SIK3: variants seen among roughly 807,000 people sequenced by gnomAD.
SIK3 encodes the protein serine/threonine-protein kinase SIK3.
A neutral mutation model predicts 144.2 loss-of-function variants in SIK3; 28 were observed. The observed-to-expected ratio is 0.19, with a 90% CI of 0.14 to 0.27. The LOEUF (loss-of-function observed/expected upper bound fraction) is 0.27. Ranked by LOEUF, SIK3 falls within the 10% of genes least tolerant of loss-of-function variation. The pLI, the probability that SIK3 is intolerant of heterozygous loss-of-function variation, is 1.00. For missense variants in SIK3, 1,319 were observed against 1,776.0 expected (o/e 0.74, Z 4.62); for synonymous variants, 686 against 676.3 (o/e 1.01, Z -0.22).
At chr11:117,043,838 T>C (rs959887337) in intron 1 of SIK3, among the ~76,000 whole-genome samples, 1 of 152,230 alleles carries the variant, frequency 6.6e-6, no homozygotes, top group Non-Finnish European at 1.5e-5. Context: ...CAAAACACAG[T>C]ATAAACGATG....
rs1243760489 is a variant in SIK3, at chr11:116,938,137, G to A, written c.455-10757C>T. Among the ~76,000 whole-genome samples, 8 of 148,238 alleles carry A rather than the reference G, an allele frequency of 5.4e-5. No individual in the cohort carries two copies. The East Asian group carries it at 1.2e-3, about 23-fold the overall frequency. On this transcript the variant is annotated intron_variant, in intron 3 of 24. Coordinates refer to ENST00000445177, the MANE Select transcript of SIK3 (RefSeq NM_001366686.3). ...GGAGAATCACTTGAACCTGGGAGGC[G>A]GAGGCTGCAGTGAGCTGAGTTCACA...
In SIK3 at chr11:117,010,017, GT is replaced by G. The variant is rs539436889; in HGVS notation, c.274-52954del. Among the ~76,000 whole-genome samples, 344 of 152,274 alleles carry G rather than the reference GT, an allele frequency of 2.3e-3. 4 individuals carry two copies. The highest frequency in any genetic ancestry group is 7.7e-3 in the African/African-American group (321 of 41,538). On this transcript the variant is annotated intron_variant, in intron 1 of 24. Coordinates refer to ENST00000445177, the MANE Select transcript of SIK3 (RefSeq NM_001366686.3). The stretch of plus-strand genomic sequence containing the variant: ...ACACTAACGACAACATCTATTACCA[GT>G]TCATCCCCAAAGAAGCTGATTCTGG...
chr11:116,963,563 G>A (rs1486243149), intron 1 of SIK3, among the ~76,000 whole-genome samples: 1 of 152,160 alleles, frequency 6.6e-6, no homozygotes, highest in Non-Finnish European at 1.5e-5. Flanking sequence ...AAATAATGTT[G>A]TGGCATTTCT....
intron 4 of SIK3, among the ~76,000 whole-genome samples, chr11:116,926,030 A>G (rs1947255343): frequency 1.3e-5 from 2 of 152,204 alleles, no homozygotes; most frequent in South Asian, 2.1e-4. Flanking sequence ...CAACTCTCAG[A>G]AGAATTGTGA....
intron 4 of SIK3, among the ~76,000 whole-genome samples, chr11:116,901,733 G>T (rs182893896): frequency 1.3e-5 from 2 of 152,110 alleles, no homozygotes; most frequent in Non-Finnish European, 2.9e-5. Context: ...CTCTTTCACA[G>T]TATCTAACAG....
In SIK3 at chr11:116,921,224, G is replaced by C. The variant is rs142527576; in HGVS notation, c.616+5995C>G. Among the ~76,000 whole-genome samples the C allele has an allele frequency of 9.2e-5, 14 of 152,280 alleles. No homozygotes were observed. In the East Asian group the frequency reaches 2.5e-3, roughly 27 times the overall value. On this transcript the variant is annotated intron_variant, in intron 4 of 24. Coordinates refer to ENST00000445177, the MANE Select transcript of SIK3 (RefSeq NM_001366686.3). ...AGAGTTAAAAGTGCCAGAAGATGAA[G>C]AGATTTTACTTTTTTAATAAGATAT... is the stretch of plus-strand genomic sequence containing the variant.
intron 1 of SIK3, among the ~76,000 whole-genome samples, chr11:116,996,033 T>A (rs1157692946): frequency 6.6e-6 from 1 of 152,118 alleles, no homozygotes; most frequent in Non-Finnish European, 1.5e-5. Context: ...TCTGGCTGGG[T>A]GCAGTGGTTC....
In SIK3 at chr11:116,875,377, C is replaced by A. The variant is rs1444992789; in HGVS notation, c.1314G>T (p.Val438=). ...VQLINPENQI[V]EPDGTLNLDS... ...GCTCCCACAGGTTGCTACTTGCCTC[C>A]ACAATTTGGTTCTCTGGGTTGATCA... The change falls in exon 10 of 25, where the codon GTG becomes GTT. Residue 438 remains valine (V), a synonymous_variant. Coordinates refer to ENST00000445177, the MANE Select transcript of SIK3 (RefSeq NM_001366686.3). 1.2e-6 allele frequency: 2 copies of A among 1,614,056 alleles called. No individual in the cohort carries two copies. The highest frequency in any genetic ancestry group is 2.7e-5 in the African/African-American group (2 of 74,918).
chr11:116,990,185 C>T (rs571726676), intron 1 of SIK3, among the ~76,000 whole-genome samples: 1 of 152,208 alleles, frequency 6.6e-6, no homozygotes, highest in South Asian at 2.1e-4. Context: ...ATGTACTTAC[C>T]AATACCAATC....
At chr11:117,062,100 A>C (rs1173915016) in intron 1 of SIK3, among the ~76,000 whole-genome samples, 3 of 152,002 alleles carry the variant, frequency 2.0e-5, no homozygotes, top group Non-Finnish European at 4.4e-5. Flanking sequence ...GTAGGTAGGC[A>C]GATCATTTGA....
intron 3 of SIK3, among the ~76,000 whole-genome samples, chr11:116,933,663 C>T (rs186330965): frequency 3.1e-4 from 47 of 152,074 alleles, no homozygotes; most frequent in African/African-American, 1.1e-3. Context: ...TCTCAAGAGA[C>T]AAGGTCTTGC....
In SIK3 at chr11:117,051,136, A is replaced by G. The variant is rs572514219; in HGVS notation, c.273+47007T>C. Among the ~76,000 whole-genome samples the G allele has an allele frequency of 3.3e-5, 5 of 152,284 alleles. No individual in the cohort carries two copies. The East Asian group carries it at 9.6e-4, about 29-fold the overall frequency. On this transcript the variant is annotated intron_variant, in intron 1 of 24. Coordinates refer to ENST00000445177, the MANE Select transcript of SIK3 (RefSeq NM_001366686.3). Reference sequence around the variant, plus strand: ...ACCCAGAGAGAGCAAACGGCAGAGGAAGAGCAAATTCACTCTTTCTTCTTG... The same window carrying G: ...ACCCAGAGAGAGCAAACGGCAGAGGGAGAGCAAATTCACTCTTTCTTCTTG...
At chr11:116,884,479 C>T (rs990418818) in intron 6 of SIK3, among the ~76,000 whole-genome samples, 1 of 151,708 alleles carries the variant, frequency 6.6e-6, no homozygotes, top group African/African-American at 2.4e-5. Flanking sequence ...CGATAATATG[C>T]CTCCTGAGTT....
At chr11:117,086,599 G>T (rs1410759929) in intron 1 of SIK3, among the ~76,000 whole-genome samples, 1 of 152,138 alleles carries the variant, frequency 6.6e-6, no homozygotes, top group Middle Eastern at 3.4e-3. Flanking sequence ...GCTGAGGCAG[G>T]AGAATCTCTT....
intron 1 of SIK3, among the ~76,000 whole-genome samples, chr11:117,055,325 C>T (rs1192994354): frequency 6.6e-6 from 1 of 152,186 alleles, no homozygotes; most frequent in Non-Finnish European, 1.5e-5. Context: ...ACTTAGTGTA[C>T]ATGAGACACT....
At chr11:116,960,965 A>G (rs1390981087) in intron 1 of SIK3, among the ~76,000 whole-genome samples, 1 of 152,254 alleles carries the variant, frequency 6.6e-6, no homozygotes, top group Non-Finnish European at 1.5e-5. Context: ...TTGAGGGACC[A>G]AGAAGCAAAA....
chr11:116,914,107 AC>A (rs202181861), intron 4 of SIK3, among the ~76,000 whole-genome samples: 127 of 151,954 alleles, frequency 8.4e-4, no homozygotes, highest in Middle Eastern at 6.8e-3. Context: ...AAACAAACAA[AC>A]AAAAAAAAAC....
chr11:117,026,724 T>C (rs1279566962), intron 1 of SIK3, among the ~76,000 whole-genome samples: 3 of 152,216 alleles, frequency 2.0e-5, no homozygotes, highest in Non-Finnish European at 4.4e-5. Context: ...GCCACAAGCC[T>C]TACGTGGACA....
At chr11:116,956,403 T>C (rs1396754538) in intron 2 of SIK3, among the ~76,000 whole-genome samples, 3 of 152,038 alleles carry the variant, frequency 2.0e-5, no homozygotes, top group Non-Finnish European at 2.9e-5. Flanking sequence ...TCTGGTCTCT[T>C]GATTATCAAA....
Sources: gnomAD v4.1 joint callset for allele counts (sites outside exome capture counted in the v4.1 genomes callset) on GRCh38, gnomAD v4.1.1 for gene constraint, MANE v1.5 for transcripts, NCBI Gene and HGNC (gene_info 2026-07-23, HGNC 2026-07-21) for gene names.